CARD19: variants seen among roughly 807,000 people sequenced by gnomAD.
CARD19 encodes the protein caspase recruitment domain family member 19.
Under a neutral mutation model 24.1 loss-of-function variants are expected in CARD19, and 25 were observed. The observed-to-expected ratio is 1.04, with a 90% CI of 0.76 to 1.45. The LOEUF (loss-of-function observed/expected upper bound fraction) is 1.45. Among genes scored for constraint, CARD19 ranks in the 40% most tolerant of loss-of-function variants. CARD19 has a pLI of 0.00. For missense variants in CARD19, 241 were observed against 247.4 expected (o/e 0.97, Z 0.17); for synonymous variants, 103 against 104.9 (o/e 0.98, Z 0.11).
At chr9:93,097,805 G>A (rs1003276224) in intron 1 of CARD19, among the ~76,000 whole-genome samples, 8 of 152,220 alleles carry the variant, frequency 5.3e-5, no homozygotes, top group Non-Finnish European at 1.0e-4. Flanking sequence ...AGGGGTCCCT[G>A]AAGGCTCTGA....
Position 93,096,431 on chromosome 9 carries a change from C to A in CARD19, c.7+79C>A. The A allele has an allele frequency of 8.4e-7, 1 of 1,191,032 alleles. No homozygotes were observed. Among genetic ancestry groups the A allele is most frequent in the Non-Finnish European group, 1.0e-6 (1 of 953,208 alleles). 73.8% of individuals were successfully genotyped at this position (1,191,032 alleles called of 1,614,324 possible). ...CCGGCCCGGGGGTCCGGCTGCCTTG[C>A]GAGTCGCCTGCAGGCCGCGCCTGGG... On this transcript the variant is annotated intron_variant, in intron 1 of 5. Transcript: ENST00000375464. The surrounding 1 kb of genome is among the most constrained non-coding windows in gnomAD (Gnocchi z 5.4).
chr9:93,106,883 C>G (rs1412019096), intron 1 of CARD19, among the ~76,000 whole-genome samples: 1 of 152,088 alleles, frequency 6.6e-6, no homozygotes, highest in Non-Finnish European at 1.5e-5. Flanking sequence ...GTCCTGTGCC[C>G]CATCCTCTCC....
At chr9:93,104,134 A>G (rs1290852518) in intron 1 of CARD19, among the ~76,000 whole-genome samples, 1 of 152,238 alleles carries the variant, frequency 6.6e-6, no homozygotes, top group Non-Finnish European at 1.5e-5. Context: ...TTTGATTTGT[A>G]CATGTTAAAC....
chr9:93,111,896 G>A lies in CARD19; in HGVS notation c.322G>A (p.Glu108Lys), dbSNP rs1295742071. 1.2e-6 allele frequency: 2 copies of A among 1,611,900 alleles called. No individual in the cohort carries two copies. Among genetic ancestry groups the A allele is most frequent in the Admixed American group, 1.7e-5 (1 of 59,968 alleles). ...RHALQNSDCT[E>K]LDSGSQSGEL... ...GTTTCCAGAGAACTCAGATTGCACA[G>A]AGCTAGACTCGGGCAGCCAGAGCGG... Residue 108 changes from glutamate (E) to lysine (K), a missense_variant, in exon 4 of 6, where the codon GAG (glutamate) becomes AAG (lysine). By Grantham distance (56) the Glu-to-Lys change is moderately conservative (BLOSUM62 1). Coordinates refer to ENST00000375464, the MANE Select transcript of CARD19 (RefSeq NM_032310.5).
chr9:93,097,861 C>T (rs529303023), intron 1 of CARD19, among the ~76,000 whole-genome samples: 3 of 152,386 alleles, frequency 2.0e-5, no homozygotes, highest in Admixed American at 6.5e-5. Context: ...CCTGCTATGT[C>T]TACTCACTGG....
At chr9:93,101,878 A>G (rs1827096242) in intron 1 of CARD19, among the ~76,000 whole-genome samples, 1 of 151,890 alleles carries the variant, frequency 6.6e-6, no homozygotes, top group African/African-American at 2.4e-5. Context: ...TGTTATATTA[A>G]TATATAGCTA....
intron 3 of CARD19, chr9:93,111,064 T>G: frequency 1.5e-6 from 2 of 1,354,894 alleles, no homozygotes; most frequent in Non-Finnish European, 1.9e-6. Flanking sequence ...CATGTCTGTG[T>G]GGACAGCAAC....
chr9:93,105,200 G>A (rs1227735106), intron 1 of CARD19, among the ~76,000 whole-genome samples: 1 of 794 alleles, frequency 1.3e-3, no homozygotes, highest in Non-Finnish European at 3.6e-3. Flanking sequence ...GTGTGTGCGT[G>A]TGTGTGTGTG....
chr9:93,100,894 A>T (rs1827053149), intron 1 of CARD19, among the ~76,000 whole-genome samples: 1 of 152,214 alleles, frequency 6.6e-6, no homozygotes, highest in Non-Finnish European at 1.5e-5. Context: ...ACATCCACGT[A>T]TCATAATTTC....
intron 2 of CARD19, chr9:93,109,187 T>C (rs947083560): frequency 1.3e-5 from 2 of 152,264 alleles, no homozygotes; most frequent in African/African-American, 4.8e-5. Flanking sequence ...TAATGCATGT[T>C]CACTTTTAAA....
In CARD19 at chr9:93,096,373, G is replaced by T. The variant is rs1315108942; in HGVS notation, c.7+21G>T. 7.3e-6 allele frequency: 9 copies of T among 1,225,528 alleles called. No individual in the cohort carries two copies. The highest frequency in any genetic ancestry group is 1.6e-5 in the African/African-American group (1 of 64,064). 75.9% of individuals were successfully genotyped at this position (1,225,528 alleles called of 1,614,324 possible). ...GACAGGTGGGCACGGGGTCGGCTGGGCGGCAGGGATGCGGGCGCCCTGGAT... is the reference window on the plus strand; with the variant it reads ...GACAGGTGGGCACGGGGTCGGCTGGTCGGCAGGGATGCGGGCGCCCTGGAT... On this transcript the variant is annotated intron_variant, in intron 1 of 5. Coordinates refer to ENST00000375464, the MANE Select transcript of CARD19 (RefSeq NM_032310.5). The surrounding 1 kb of genome is among the most constrained non-coding windows in gnomAD (Gnocchi z 5.4).
intron 1 of CARD19, among the ~76,000 whole-genome samples, chr9:93,104,819 C>T (rs1827197300): frequency 6.6e-6 from 1 of 152,038 alleles, no homozygotes; most frequent in Admixed American, 6.5e-5. Context: ...ATTCCTGATA[C>T]TAGTAATTTG....
At position 93,096,294 on chromosome 9, in the gene CARD19, C is replaced by T; in HGVS notation, c.-52C>T. 2 of 1,130,792 alleles carry T rather than the reference C, an allele frequency of 1.8e-6. No individual in the cohort carries two copies. The highest frequency in any genetic ancestry group is 1.1e-6 in the Non-Finnish European group (1 of 898,218). 70.0% of individuals were successfully genotyped at this position (1,130,792 alleles called of 1,614,324 possible). A position where few individuals can be genotyped will look rare whatever the true frequency, so the allele number is the denominator to read the frequency against. On this transcript the variant is annotated 5_prime_UTR_variant, in exon 1 of 6. In the 5' UTR this introduces an upstream ATG that the reference lacks. Transcript: ENST00000375464. The surrounding 1 kb of genome is among the most constrained non-coding windows in gnomAD (Gnocchi z 5.4). ...ACCGGGCGGCTGACCGAGGGGCGGACGCGCGGCGGGGCAGACCGCTGGGGA... is the reference window on the plus strand; with the variant it reads ...ACCGGGCGGCTGACCGAGGGGCGGATGCGCGGCGGGGCAGACCGCTGGGGA...
chr9:93,105,228 C>T (rs146908290), intron 1 of CARD19, among the ~76,000 whole-genome samples: 1 of 151,106 alleles, frequency 6.6e-6, no homozygotes, highest in East Asian at 1.9e-4. Flanking sequence ...GTGTTTCTGC[C>T]TTTCTCATGT....
At chr9:93,103,536 C>T (rs897653423) in intron 1 of CARD19, among the ~76,000 whole-genome samples, 2 of 152,242 alleles carry the variant, frequency 1.3e-5, no homozygotes, top group Non-Finnish European at 1.5e-5. Context: ...TTTATATCTG[C>T]TGTTGATTTA....
chr9:93,108,139 A>G (rs1202002168), intron 2 of CARD19, among the ~76,000 whole-genome samples: 2 of 152,120 alleles, frequency 1.3e-5, no homozygotes. Flanking sequence ...AGCACACAAC[A>G]GTATAAGATA....
At chr9:93,099,250 T>G (rs1826993949) in intron 1 of CARD19, among the ~76,000 whole-genome samples, 1 of 152,198 alleles carries the variant, frequency 6.6e-6, no homozygotes, top group Non-Finnish European at 1.5e-5. Flanking sequence ...GAGCACCTAC[T>G]GGGTGCTCAG....
chr9:93,097,617 C>A (rs1203870495), intron 1 of CARD19, among the ~76,000 whole-genome samples: 1 of 152,224 alleles, frequency 6.6e-6, no homozygotes, highest in Admixed American at 6.5e-5. Flanking sequence ...GCGTGGGACA[C>A]AACTCAGAGC....
chr9:93,107,191 G>A (rs957612295), intron 1 of CARD19, among the ~76,000 whole-genome samples: 34 of 152,066 alleles, frequency 2.2e-4, no homozygotes, highest in African/African-American at 7.2e-4. Context: ...GGGCATTCTT[G>A]ATCTCGAACT....
Sources: gnomAD v4.1 joint callset for allele counts (sites outside exome capture counted in the v4.1 genomes callset) on GRCh38, gnomAD v4.1.1 for gene constraint, Gnocchi (gnomAD v3.1) non-coding constraint, MANE v1.5 for transcripts, NCBI Gene and HGNC (gene_info 2026-07-23, HGNC 2026-07-21) for gene names.